The following AUTS2 variants were observed in gnomAD, a reference collection of about 807,000 sequenced individuals.
The protein encoded by AUTS2 is autism susceptibility gene 2 protein.
In AUTS2, 17 loss-of-function variants were observed where a neutral mutation model predicts 112.4. The observed-to-expected ratio is 0.15, with a 90% CI of 0.10 to 0.23. AUTS2 has a LOEUF of 0.23. AUTS2 is among the 10% of genes least tolerant of loss of function. The pLI is 1.00. For missense variants in AUTS2, 1,510 were observed against 1,701.6 expected (o/e 0.89, Z 1.98); for synonymous variants, 751 against 702.7 (o/e 1.07, Z -1.09).
intron 4 of AUTS2, among the ~76,000 whole-genome samples, chr7:70,257,411 G>A (rs536401899): frequency 2.1e-4 from 32 of 152,186 alleles, no homozygotes; most frequent in Admixed American, 1.2e-3. Flanking sequence ...TCCGCCTCCC[G>A]GGTTCAAGCC....
At chr7:70,487,401 T>TAA (rs1487443596) in intron 5 of AUTS2, among the ~76,000 whole-genome samples, 2 of 152,182 alleles carry the variant, frequency 1.3e-5, no homozygotes, top group Non-Finnish European at 2.9e-5. Flanking sequence ...CAGCCAAGAC[T>TAA]AAATAATGAG....
intron 5 of AUTS2, among the ~76,000 whole-genome samples, chr7:70,607,580 T>A (rs1803851683): frequency 6.6e-6 from 1 of 152,214 alleles, no homozygotes; most frequent in African/African-American, 2.4e-5. Context: ...TGAGCACGAT[T>A]ACCAGATGTC....
intron 1 of AUTS2, among the ~76,000 whole-genome samples, chr7:69,622,951 G>GAT (rs759604298): frequency 1.4e-4 from 21 of 152,168 alleles, no homozygotes; most frequent in Non-Finnish European, 2.4e-4. Flanking sequence ...GATGGATGGA[G>GAT]ATATATATAT....
intron 1 of AUTS2, among the ~76,000 whole-genome samples, chr7:69,728,371 A>G (rs1786619997): frequency 6.6e-6 from 1 of 152,230 alleles, no homozygotes. Flanking sequence ...GTGTAAATGT[A>G]CTATTTTAAA....
intron 1 of AUTS2, among the ~76,000 whole-genome samples, chr7:69,716,587 T>C (rs1798622479): frequency 6.6e-6 from 1 of 152,130 alleles, no homozygotes; most frequent in Non-Finnish European, 1.5e-5. Context: ...ATTAATTAGC[T>C]GAACTTATTC....
intron 2 of AUTS2, among the ~76,000 whole-genome samples, chr7:69,985,969 C>T (rs1798497844): frequency 6.6e-6 from 1 of 152,026 alleles, no homozygotes; most frequent in African/African-American, 2.4e-5. Flanking sequence ...TACTATGTTG[C>T]CCAGGCTGGT....
chr7:70,301,148 T>A (rs1289821928), intron 4 of AUTS2, among the ~76,000 whole-genome samples: 2 of 152,220 alleles, frequency 1.3e-5, no homozygotes, highest in African/African-American at 4.8e-5. Context: ...CTGTGTTATA[T>A]TTTATTTGCG....
In AUTS2 at chr7:70,709,153, G is replaced by A. The variant is rs543414612; in HGVS notation, c.742+10533G>A. ...AGGCTGGTCTTGAACTCCTGACCTC[G>A]TGATCCGCTCACCTCGGCCTCCCAA... On this transcript the variant is annotated intron_variant, in intron 6 of 18. Coordinates refer to ENST00000342771, the MANE Select transcript of AUTS2 (RefSeq NM_015570.4). 6.6e-5 allele frequency among the ~76,000 whole-genome samples: 10 copies of A among 151,728 alleles called. No individual in the cohort carries two copies. The East Asian group carries it at 1.2e-3, about 18-fold the overall frequency.
intron 1 of AUTS2, among the ~76,000 whole-genome samples, chr7:69,743,123 T>G (rs1272880000): frequency 2.6e-5 from 4 of 152,080 alleles, no homozygotes; most frequent in Non-Finnish European, 5.9e-5. Flanking sequence ...TACCTGAAAA[T>G]TGTTTGCTCT....
chr7:70,592,418 C>T (rs1802993450), intron 5 of AUTS2, among the ~76,000 whole-genome samples: 1 of 151,964 alleles, frequency 6.6e-6, no homozygotes. Flanking sequence ...GGCTGGAGTA[C>T]AGTTGCACAA....
intron 5 of AUTS2, among the ~76,000 whole-genome samples, chr7:70,633,948 A>G (rs111487190): frequency 4.6e-5 from 7 of 152,264 alleles, no homozygotes; most frequent in African/African-American, 1.4e-4. Context: ...TAGGTACTAG[A>G]TCCATATCAT....
At chr7:70,648,486 A>G (rs1252670521) in intron 5 of AUTS2, among the ~76,000 whole-genome samples, 1 of 152,230 alleles carries the variant, frequency 6.6e-6, no homozygotes, top group Non-Finnish European at 1.5e-5. Flanking sequence ...TTGAATTTAT[A>G]CATTCATATC....
Position 70,790,507 on chromosome 7 carries a change from G to A in AUTS2, c.3291G>A (p.Arg1097=), listed in dbSNP as rs1273299659. The A allele has an allele frequency of 6.2e-7, 1 of 1,612,154 alleles. No individual in the cohort carries two copies. Among genetic ancestry groups the A allele is most frequent in the East Asian group, 2.2e-5 (1 of 44,798 alleles). The part of the protein sequence containing the change: ...RDPLGRDFLL[R]NDPLHRLSTP... ...CGCTGGGCAGGGACTTCCTGCTAAG[G>A]AACGACCCGCTCCACCGGCTCTCGA... Residue 1097 remains arginine (R), a synonymous_variant, in exon 19 of 19, where the codon AGG becomes AGA. Transcript: ENST00000342771. This position sits in a 1 kb window ranked among gnomAD's most constrained non-coding sequence, Gnocchi z 7.6.
chr7:69,992,051 A>C (rs1798761949), intron 2 of AUTS2, among the ~76,000 whole-genome samples: 1 of 152,184 alleles, frequency 6.6e-6, no homozygotes, highest in South Asian at 2.1e-4. Context: ...AAGTCATTTT[A>C]TCCAAGAGCT....
intron 4 of AUTS2, among the ~76,000 whole-genome samples, chr7:70,246,141 A>C (rs559416104): frequency 3.9e-5 from 6 of 152,034 alleles, no homozygotes; most frequent in Non-Finnish European, 8.8e-5. Flanking sequence ...ACATTTCCTA[A>C]GTTATGGTTT....
At chr7:69,756,440 A>G (rs1298923361) in intron 1 of AUTS2, among the ~76,000 whole-genome samples, 3 of 152,328 alleles carry the variant, frequency 2.0e-5, no homozygotes, top group East Asian at 1.9e-4. Context: ...GGAAATGCCT[A>G]AACACAGGCC....
intron 2 of AUTS2, among the ~76,000 whole-genome samples, chr7:69,899,863 A>G (rs148021833): frequency 5.3e-5 from 8 of 152,290 alleles, no homozygotes; most frequent in African/African-American, 1.7e-4. Context: ...CATCACATAC[A>G]TTGTGCATCT....
chr7:70,222,991 G>A (rs1283184889), intron 4 of AUTS2, among the ~76,000 whole-genome samples: 4 of 151,266 alleles, frequency 2.6e-5, no homozygotes, highest in African/African-American at 4.9e-5. Context: ...GGGTTCAGGC[G>A]GTTCTCCTGC....
rs955396987 is a variant in AUTS2, at chr7:70,373,604, C to T, written c.661-62148C>T. Among the ~76,000 whole-genome samples the T allele has an allele frequency of 5.9e-5, 9 of 152,136 alleles. No individual in the cohort carries two copies. In the South Asian group the frequency reaches 8.3e-4, roughly 14 times the overall value. On this transcript the variant is annotated intron_variant, in intron 4 of 18. Transcript: ENST00000342771. ...CATCAGTGGGCAGTTATCCTAAGAA[C>T]GTGACTGCTTCTAGGCATGGTTTGC...
Sources: gnomAD v4.1 joint callset for allele counts (sites outside exome capture counted in the v4.1 genomes callset) on GRCh38, gnomAD v4.1.1 for gene constraint, Gnocchi (gnomAD v3.1) non-coding constraint, MANE v1.5 for transcripts, NCBI Gene and HGNC (gene_info 2026-07-23, HGNC 2026-07-21) for gene names.